DEPTOR: variants seen among roughly 807,000 people sequenced by gnomAD.
The protein encoded by DEPTOR is DEP domain containing MTOR interacting protein, also known as DEP domain-containing mTOR-interacting protein.
In DEPTOR, 41 loss-of-function variants were observed where a neutral mutation model predicts 41.6. That is an observed-to-expected ratio of 0.98 (90% CI 0.77 to 1.28). DEPTOR has a LOEUF of 1.28. DEPTOR is among the 50% of genes most tolerant of loss of function. DEPTOR has a pLI of 0.00. For synonymous variants in DEPTOR, 195 were observed against 192.3 expected (o/e 1.01, Z -0.12); for missense variants, 514 against 527.9 (o/e 0.97, Z 0.26).
chr8:119,960,844 C>T (rs1176734317), intron 3 of DEPTOR, among the ~76,000 whole-genome samples: 1 of 151,790 alleles, frequency 6.6e-6, no homozygotes, highest in Non-Finnish European at 1.5e-5. Flanking sequence ...ATTAGCTGGG[C>T]TTGGTGGCAC....
At chr8:120,001,349 T>C (rs1361174672) in intron 4 of DEPTOR, among the ~76,000 whole-genome samples, 176 bp from the exon 5 acceptor site, 1 of 152,168 alleles carries the variant, frequency 6.6e-6, no homozygotes, top group Non-Finnish European at 1.5e-5. Context: ...TTAAAGTGCA[T>C]GTCACGTGGA....
intron 2 of DEPTOR, 71 bp downstream of exon 2, chr8:119,928,649 C>CTTAAGAAAGAAAACA: frequency 6.7e-7 from 1 of 1,489,538 alleles, no homozygotes; most frequent in Non-Finnish European, 9.0e-7. Context: ...AACATACCCA[C>CTTAAGAAAGAAAACA]TTAAGAAAGA....
intron 1 of DEPTOR, among the ~76,000 whole-genome samples, chr8:119,894,126 T>C (rs1224374920): frequency 6.6e-6 from 1 of 152,164 alleles, no homozygotes; most frequent in African/African-American, 2.4e-5. Context: ...TGAAATGCTG[T>C]GGTGTGATGA....
In DEPTOR at chr8:119,928,479, G is replaced by T. The variant is rs1827991599; in HGVS notation, c.202G>T (p.Glu68Ter). The change falls in exon 2 of 9, where the codon GAA becomes TAA. Residue 68 changes from glutamate to a stop codon, truncating the protein, a stop_gained. Coordinates refer to ENST00000286234, the MANE Select transcript of DEPTOR (RefSeq NM_022783.4). LOFTEE classifies it high-confidence loss of function. ...CTACCCAAACTGTTTTGTCGCAAAAGAACTGATTGACTGGCTGATTGAACA... is the reference window on the plus strand; with the variant it reads ...CTACCCAAACTGTTTTGTCGCAAAATAACTGATTGACTGGCTGATTGAACA... The part of the protein sequence containing the change: ...KTYPNCFVAK[E>*]LIDWLIEHKE... The T allele has an allele frequency of 6.2e-7, 1 of 1,614,050 alleles. No individual in the cohort carries two copies. The highest frequency in any genetic ancestry group is 1.7e-5 in the Admixed American group (1 of 60,000).
intron 3 of DEPTOR, among the ~76,000 whole-genome samples, chr8:119,959,667 A>T (rs1227936628): frequency 6.6e-6 from 1 of 151,682 alleles, no homozygotes; most frequent in Non-Finnish European, 1.5e-5. Flanking sequence ...AGTAGCTGGG[A>T]TTACAGGCAT....
intron 4 of DEPTOR, among the ~76,000 whole-genome samples, chr8:119,987,836 T>G: frequency 6.6e-6 from 1 of 152,122 alleles, no homozygotes. Flanking sequence ...AACCACCTAC[T>G]CAAGCCTCAG....
At chr8:119,889,724 A>G (rs1365969732) in intron 1 of DEPTOR, among the ~76,000 whole-genome samples, 2 of 150,614 alleles carry the variant, frequency 1.3e-5, no homozygotes, top group East Asian at 4.0e-4. Flanking sequence ...AGTGCAGGGC[A>G]AGGGGGCTTA....
chr8:120,040,814 T>C (rs371066987), intron 8 of DEPTOR, among the ~76,000 whole-genome samples: 3 of 152,136 alleles, frequency 2.0e-5, no homozygotes, highest in Non-Finnish European at 4.4e-5. Flanking sequence ...TTTATGGGAG[T>C]TGGATCAGGA....
chr8:120,035,456 G>T (rs78986993), intron 8 of DEPTOR, among the ~76,000 whole-genome samples: 1 of 152,174 alleles, frequency 6.6e-6, no homozygotes, highest in African/African-American at 2.4e-5. Context: ...TTGTATGGGG[G>T]TGTGGGAATG....
chr8:119,881,199 T>C (rs1231084152), intron 1 of DEPTOR, among the ~76,000 whole-genome samples: 2 of 152,218 alleles, frequency 1.3e-5, no homozygotes, highest in African/African-American at 4.8e-5. Context: ...TAAATTTGCT[T>C]TGCAAATGTT....
At chr8:119,878,040 C>T (rs993186056) in intron 1 of DEPTOR, among the ~76,000 whole-genome samples, 1 of 152,152 alleles carries the variant, frequency 6.6e-6, no homozygotes, top group South Asian at 2.1e-4. Context: ...AAGAGATTCT[C>T]CTGCCTCAAC....
At chr8:119,949,347 T>TATATG in intron 3 of DEPTOR, among the ~76,000 whole-genome samples, 1 of 152,182 alleles carries the variant, frequency 6.6e-6, no homozygotes, top group Non-Finnish European at 1.5e-5. Flanking sequence ...TATGCAAGGT[T>TATATG]TTCTGTGGAT....
At chr8:119,939,615 A>G (rs535105832) in intron 3 of DEPTOR, among the ~76,000 whole-genome samples, 2 of 152,102 alleles carry the variant, frequency 1.3e-5, no homozygotes, top group South Asian at 4.2e-4. Context: ...AGCCTCCCGA[A>G]TAGCTGGGAG....
chr8:120,032,074 G>A (rs1469441528), intron 8 of DEPTOR, among the ~76,000 whole-genome samples: 1 of 152,082 alleles, frequency 6.6e-6, no homozygotes, highest in African/African-American at 2.4e-5. Flanking sequence ...TCAGAGAACA[G>A]GTTGTAACCC....
chr8:120,040,200 A>C (rs1282279443), intron 8 of DEPTOR, among the ~76,000 whole-genome samples: 1 of 152,208 alleles, frequency 6.6e-6, no homozygotes, highest in African/African-American at 2.4e-5. Context: ...TGCATGAGGC[A>C]GTTAATGCTC....
chr8:119,878,097 A>T (rs1207237400), intron 1 of DEPTOR, among the ~76,000 whole-genome samples: 2 of 152,072 alleles, frequency 1.3e-5, no homozygotes, highest in East Asian at 1.9e-4. Context: ...TCTATTTTTT[A>T]AATTTATTTT....
At chr8:119,884,460 A>G (rs1827338339) in intron 1 of DEPTOR, among the ~76,000 whole-genome samples, 1 of 152,220 alleles carries the variant, frequency 6.6e-6, no homozygotes, top group South Asian at 2.1e-4. Context: ...AGCAAAGAAG[A>G]CAGTGTAGTG....
intron 4 of DEPTOR, among the ~76,000 whole-genome samples, chr8:119,975,670 G>A (rs556524477): frequency 1.3e-5 from 2 of 152,118 alleles, no homozygotes; most frequent in South Asian, 4.1e-4. Context: ...AACTGGGCTG[G>A]GTAAGCCAAG....
intron 4 of DEPTOR, among the ~76,000 whole-genome samples, chr8:119,987,866 C>T (rs1828849437): frequency 6.6e-6 from 1 of 152,168 alleles, no homozygotes; most frequent in Non-Finnish European, 1.5e-5. Flanking sequence ...ACACCCTTCC[C>T]CCCACCAAGC....
Sources: gnomAD v4.1 joint callset for allele counts (sites outside exome capture counted in the v4.1 genomes callset) on GRCh38, gnomAD v4.1.1 for gene constraint, MANE v1.5 for transcripts, NCBI Gene and HGNC (gene_info 2026-07-23, HGNC 2026-07-21) for gene names.